The following PNLDC1 variants were observed in gnomAD, a reference collection of about 807,000 sequenced individuals.
PNLDC1 encodes poly(A)-specific ribonuclease PNLDC1.
PNLDC1 carries 70 observed loss-of-function variants against 82.0 expected under a neutral mutation model. The observed-to-expected ratio is 0.85, with a 90% CI of 0.70 to 1.04. The LOEUF (loss-of-function observed/expected upper bound fraction) is 1.04. Among genes scored for constraint, PNLDC1 ranks in the 50% least tolerant of loss-of-function variants. PNLDC1 has a pLI of 0.00. For missense variants in PNLDC1, 631 were observed against 661.1 expected, an observed-to-expected ratio of 0.95 and a Z score of 0.50; for synonymous variants, 280 against 249.3, an observed-to-expected ratio of 1.12 and a Z score of -1.16.
intron 15 of PNLDC1, 67 bp downstream of exon 15, chr6:159,817,218 A>G (rs1275069375): frequency 7.3e-7 from 1 of 1,378,158 alleles, no homozygotes; most frequent in Non-Finnish European, 1.0e-6. Flanking sequence ...CCTTGCTGGA[A>G]GCCAACACCT....
intron 2 of PNLDC1, 115 bp downstream of exon 2, chr6:159,800,944 G>A (rs1352442616): frequency 2.7e-6 from 4 of 1,482,998 alleles, no homozygotes; most frequent in Non-Finnish European, 2.8e-6. Flanking sequence ...TTGCTCCTAC[G>A]TGTTGGAGGA....
At chr6:159,814,366 T>G (rs1781747158) in intron 12 of PNLDC1, among the ~76,000 whole-genome samples, 2 of 151,762 alleles carry the variant, frequency 1.3e-5, no homozygotes, top group Admixed American at 1.3e-4. Context: ...CAAGGGCCCC[T>G]CCTCAACCGT....
Position 159,809,039 on chromosome 6 carries a change from CA to C in PNLDC1, c.666del (p.Gln222HisfsTer36). The C allele has an allele frequency of 3.1e-6, 5 of 1,613,320 alleles. No individual in the cohort carries two copies. Among genetic ancestry groups the C allele is most frequent in the Non-Finnish European group, 3.4e-6 (4 of 1,179,852 alleles). ...EGVVVKKVSK[Q>X]HRWYLQNTSC... ...GGTGGTAGTGAAGAAAGTGAGTAAA[CA>C]ACATCGTTGGTATCTTCAGAACACC... is the stretch of plus-strand genomic sequence containing the variant. On this transcript the variant is annotated frameshift_variant, in exon 9 of 19. Coordinates refer to ENST00000392167, the MANE Select transcript of PNLDC1 (RefSeq NM_001271862.2). LOFTEE classifies it high-confidence loss of function.
intron 7 of PNLDC1, among the ~76,000 whole-genome samples, chr6:159,807,510 C>T (rs916405272): frequency 2.0e-5 from 3 of 152,214 alleles, no homozygotes; most frequent in Non-Finnish European, 4.4e-5. Flanking sequence ...CCACCGTAAG[C>T]TTGACAGCTT....
intron 6 of PNLDC1, 39 bp downstream of exon 6, chr6:159,804,676 T>C: frequency 6.8e-7 from 1 of 1,475,244 alleles, no homozygotes. Flanking sequence ...TGTTTCCTTG[T>C]TGCTGTTGTC....
upstream of PNLDC1, chr6:159,800,269 A>T: frequency 7.0e-7 from 1 of 1,432,894 alleles, no homozygotes; most frequent in Non-Finnish European, 9.4e-7. Context: ...CGTGGGCAGC[A>T]CGTGATAGCG....
Position 159,803,979 on chromosome 6 carries a change from C to G in PNLDC1, c.263C>G (p.Ser88Cys), listed in dbSNP as rs370436669. The G allele has an allele frequency of 1.2e-6, 2 of 1,613,452 alleles. No homozygotes were observed. Among genetic ancestry groups the G allele is most frequent in the Non-Finnish European group, 8.5e-7 (1 of 1,179,448 alleles). Reference protein sequence around the residue: ...EGEANKYIAHSCNFYLFPTTF... With the variant: ...EGEANKYIAHCCNFYLFPTTF... ...TTTTATTATAGGTATATAGCCCATT[C>G]TTGTAACTTCTATCTCTTCCCTACA... Residue 88 changes from serine to cysteine, a missense_variant, in exon 5 of 19, where the codon TCT becomes TGT. Physicochemically the swap from Ser to Cys is moderately radical, Grantham distance 112. Transcript: ENST00000392167.
At position 159,818,944 on chromosome 6, in the gene PNLDC1, A is replaced by G. The variant is rs1408529239; in HGVS notation, c.1258-2A>G. On this transcript the variant is annotated splice_acceptor_variant, in intron 16 of 18. Coordinates refer to ENST00000392167, the MANE Select transcript of PNLDC1 (RefSeq NM_001271862.2). LOFTEE classifies it high-confidence loss of function. ...ATCTCTTGTGTTCTGCATGTTTTCTAGAATTTTTCTGGTCCAGATTATCCC... is the reference window on the plus strand; with the variant it reads ...ATCTCTTGTGTTCTGCATGTTTTCTGGAATTTTTCTGGTCCAGATTATCCC... The G allele has an allele frequency of 8.7e-6, 14 of 1,613,566 alleles. No individual in the cohort carries two copies. The highest frequency in any genetic ancestry group is 1.1e-5 in the South Asian group (1 of 91,044).
Position 159,805,974 on chromosome 6 carries a change from C to A in PNLDC1, c.462-9C>A. On this transcript the variant is annotated splice_polypyrimidine_tract_variant and intron_variant, in intron 6 of 18. Coordinates refer to ENST00000392167, the MANE Select transcript of PNLDC1 (RefSeq NM_001271862.2). ...TCTGACATGTTCACTTTCATGCGCC[C>A]ATTTTCAGCTCTCCGGATAAAGACC... 1 of 1,609,624 alleles carries A rather than the reference C, an allele frequency of 6.2e-7. No homozygotes were observed. The highest frequency in any genetic ancestry group is 8.5e-7 in the Non-Finnish European group (1 of 1,175,890).
At chr6:159,817,031 C>A in intron 14 of PNLDC1, 78 bp from the exon 15 acceptor site, 1 of 1,381,724 alleles carries the variant, frequency 7.2e-7, no homozygotes, top group Non-Finnish European at 1.0e-6. Flanking sequence ...TTCAGATTGG[C>A]TTGCACATAA....
At position 159,800,815 on chromosome 6, in the gene PNLDC1, G is replaced by T; in HGVS notation, c.120G>T (p.Gly40=). The change falls in exon 2 of 19, where the codon GGG becomes GGT. Residue 40 remains glycine (G), a synonymous_variant. Transcript: ENST00000392167. ...CGGGCCTTCGTTCTAACCTGTCTGGGCCCCAGCAGATCAGGTAAAACTAAA... is the reference window on the plus strand; with the variant it reads ...CGGGCCTTCGTTCTAACCTGTCTGGTCCCCAGCAGATCAGGTAAAACTAAA... The part of the protein sequence containing the change: ...EFTGLRSNLS[G]PQQISLFDLP... 1 of 1,614,112 alleles carries T rather than the reference G, an allele frequency of 6.2e-7. No homozygotes were observed. The highest frequency in any genetic ancestry group is 8.5e-7 in the Non-Finnish European group (1 of 1,180,014).
rs1364712916 is a variant in PNLDC1, at chr6:159,803,306, A to G, written c.244A>G (p.Asn82Asp). 7 of 1,613,482 alleles carry G rather than the reference A, an allele frequency of 4.3e-6. No individual in the cohort carries two copies. The highest frequency in any genetic ancestry group is 2.2e-5 in the East Asian group (1 of 44,886). The change falls in exon 4 of 19, where the codon AAC becomes GAC. Residue 82 changes from asparagine (N) to aspartate (D), a missense_variant. Physicochemically the swap from Asn to Asp is conservative, Grantham distance 23. Transcript: ENST00000392167. ...GTTTTCCGCTATTGAAGGAGAGGCA[A>G]ACAAGTATGTATCAAGAGCTTCTGC... is the stretch of plus-strand genomic sequence containing the variant. ...SVFSAIEGEANKYIAHSCNFY... is the reference protein window; with the variant it reads ...SVFSAIEGEADKYIAHSCNFY...
intron 12 of PNLDC1, among the ~76,000 whole-genome samples, chr6:159,815,164 G>T (rs928024580): frequency 3.9e-5 from 6 of 152,230 alleles, no homozygotes; most frequent in Non-Finnish European, 7.3e-5. Context: ...ACTTGACCCT[G>T]TAAGTCTCTC....
chr6:159,800,294 G>C lies in PNLDC1; in HGVS notation c.-14G>C. ...ACGTGATAGCGCTGGGCGACTCCGC[G>C]GAGCTGCACGGCCATGGACGTGGGC... On this transcript the variant is annotated 5_prime_UTR_variant, in exon 1 of 19. Transcript: ENST00000392167. 1 of 1,544,012 alleles carries C rather than the reference G, an allele frequency of 6.5e-7. No homozygotes were observed. Among genetic ancestry groups the C allele is most frequent in the Non-Finnish European group, 8.7e-7 (1 of 1,143,442 alleles).
rs201200321 is a variant in PNLDC1, at chr6:159,818,696, C to T, written c.1257+42C>T. 5 of 1,571,932 alleles carry T rather than the reference C, an allele frequency of 3.2e-6. No individual in the cohort carries two copies. The Admixed American group carries it at 6.7e-5, about 21-fold the overall frequency. On this transcript the variant is annotated intron_variant, in intron 16 of 18. Transcript: ENST00000392167. Reference sequence around the variant, plus strand: ...TGGCCCCCTCGCCCCATTCAGAGTTCAGAGGCTTTGCTGGGAAGCGGCCAG... The same window carrying T: ...TGGCCCCCTCGCCCCATTCAGAGTTTAGAGGCTTTGCTGGGAAGCGGCCAG...
intron 6 of PNLDC1, among the ~76,000 whole-genome samples, chr6:159,805,000 C>G (rs1014155244): frequency 5.9e-5 from 9 of 152,198 alleles, no homozygotes; most frequent in African/African-American, 2.2e-4. Context: ...TGTTGATCCC[C>G]CATGTGATCT....
chr6:159,811,617 G>A (rs1781647615), intron 10 of PNLDC1, 84 bp from the exon 11 acceptor site: 1 of 1,061,910 alleles, frequency 9.4e-7, no homozygotes, highest in Non-Finnish European at 1.5e-6. Flanking sequence ...ATCAGTGCCA[G>A]TGGCAAGCTA....
intron 1 of PNLDC1, 192 bp downstream of exon 1, chr6:159,800,575 C>T: frequency 8.9e-6 from 13 of 1,460,240 alleles, no homozygotes; most frequent in Non-Finnish European, 1.1e-5. Context: ...CCCCACGTCC[C>T]TTGTTGGCCA....
In PNLDC1 at chr6:159,804,040, G is replaced by T. The variant is rs1311242444; in HGVS notation, c.324G>T (p.Gln108His). 6.2e-7 allele frequency: 1 copy of T among 1,614,082 alleles called. No individual in the cohort carries two copies. Among genetic ancestry groups the T allele is most frequent in the South Asian group, 1.1e-5 (1 of 91,080 alleles). The change falls in exon 5 of 19, where the codon CAG becomes CAT. Residue 108 changes from glutamine (Q) to histidine (H), a missense_variant. Transcript: ENST00000392167. ...FGILDSEFSF[Q>H]ASSVQFLNQY... ...TTTTGGACTCAGAATTCTCCTTCCA[G>T]GCTTCCAGTGTTCAGTTTTTGAATC... is the stretch of plus-strand genomic sequence containing the variant.
Sources: allele counts gnomAD v4.1 joint callset (sites outside exome capture counted in the v4.1 genomes callset), GRCh38; gene constraint gnomAD v4.1.1; transcripts MANE v1.5; gene names NCBI Gene and HGNC (gene_info 2026-07-23, HGNC 2026-07-21).